TEC: variants seen among roughly 807,000 people sequenced by gnomAD.
TEC encodes the protein tyrosine-protein kinase Tec.
TEC carries 72 observed loss-of-function variants against 93.0 expected under a neutral mutation model. That is an observed-to-expected ratio of 0.77 (90% CI 0.64 to 0.94). TEC has a LOEUF of 0.94. TEC is among the 40% of genes least tolerant of loss of function. The pLI is 0.00. For missense variants in TEC, 630 were observed against 757.9 expected (o/e 0.83, Z 1.98); for synonymous variants, 249 against 247.7 (o/e 1.01, Z -0.05).
intron 14 of TEC, 167 bp from the exon 15 acceptor site, chr4:48,141,586 T>G: frequency 1.8e-6 from 1 of 563,002 alleles, no homozygotes; most frequent in Non-Finnish European, 3.0e-6. Flanking sequence ...ATTTCCATTG[T>G]GTATTTGAAA....
At chr4:48,260,205 A>T (rs1171021240) in intron 1 of TEC, among the ~76,000 whole-genome samples, 5 of 152,236 alleles carry the variant, frequency 3.3e-5, no homozygotes, top group Non-Finnish European at 7.3e-5. Flanking sequence ...GAGACACTGT[A>T]ATTCTAAAAG....
chr4:48,156,565 CAT>C (rs1314077301), intron 9 of TEC, 113 bp downstream of exon 9: 2 of 855,184 alleles, frequency 2.3e-6, no homozygotes, highest in Admixed American at 5.8e-5. Flanking sequence ...AATAGTTTTG[CAT>C]AGACTTGCTC....
chr4:48,139,930 C>A (rs1445587464), intron 15 of TEC, among the ~76,000 whole-genome samples: 3 of 152,240 alleles, frequency 2.0e-5, no homozygotes, highest in African/African-American at 7.2e-5. Flanking sequence ...CTGGATCAAA[C>A]TGTCAGCCAG....
rs1355422813 is a variant in TEC at position 48,258,013 on chromosome 4, T to C, written c.-46+11739A>G. ...GCCAACAGCTAACACTAGAAATTTT[T>C]GTTCCAAGTCATATAGTGAATGTTT... On this transcript the variant is annotated intron_variant, in intron 1 of 17. Coordinates refer to ENST00000381501, the MANE Select transcript of TEC (RefSeq NM_003215.3). Among the ~76,000 whole-genome samples, 3 of 152,262 alleles carry C rather than the reference T, an allele frequency of 2.0e-5. No homozygotes were observed. The East Asian group carries it at 5.8e-4, about 29-fold the overall frequency.
chr4:48,139,233 C>T (rs1245297572), intron 15 of TEC, among the ~76,000 whole-genome samples: 1 of 152,244 alleles, frequency 6.6e-6, no homozygotes, highest in Non-Finnish European at 1.5e-5. Flanking sequence ...GGATCCATCA[C>T]CACGTTACCA....
Position 48,186,914 on chromosome 4 carries a change from C to T in TEC, c.139-10728G>A, listed in dbSNP as rs531930880. Among the ~76,000 whole-genome samples the T allele has an allele frequency of 6.6e-5, 10 of 152,358 alleles. 1 individual carries two copies. In the South Asian group the frequency reaches 2.1e-3, roughly 32 times the overall value. ...GTGAGGAGCCCCTCTGCGTGGCCGC[C>T]ACCCCATCTGGGAGGTGTACCCAAC... On this transcript the variant is annotated intron_variant, in intron 2 of 17. Transcript: ENST00000381501.
At chr4:48,146,197 A>C in intron 12 of TEC, 128 bp downstream of exon 12, 1 of 768,738 alleles carries the variant, frequency 1.3e-6, no homozygotes, top group Non-Finnish European at 2.1e-6. Flanking sequence ...ATAATTATCT[A>C]AAAACCTATA....
intron 1 of TEC, among the ~76,000 whole-genome samples, chr4:48,266,438 A>G (rs1560430409): frequency 6.6e-6 from 1 of 152,220 alleles, no homozygotes; most frequent in Non-Finnish European, 1.5e-5. Context: ...AATTGACAAA[A>G]TACCTGGTCA....
chr4:48,162,202 T>C (rs1303403425), intron 8 of TEC, among the ~76,000 whole-genome samples: 1 of 152,158 alleles, frequency 6.6e-6, no homozygotes, highest in Non-Finnish European at 1.5e-5. Flanking sequence ...CCCTTGGTCA[T>C]CTACTGGGCA....
intron 1 of TEC, among the ~76,000 whole-genome samples, chr4:48,233,340 CTTT>C (rs34862159): frequency 1.4e-5 from 2 of 138,350 alleles, no homozygotes; most frequent in Non-Finnish European, 3.1e-5. Context: ...CCAATTGACA[CTTT>C]TTTTTTTTTT....
At chr4:48,214,581 G>A (rs928350355) in intron 2 of TEC, among the ~76,000 whole-genome samples, 2 of 152,164 alleles carry the variant, frequency 1.3e-5, no homozygotes, top group Non-Finnish European at 1.5e-5. Flanking sequence ...ACTGGGTGTG[G>A]TGGCTGACAC....
intron 1 of TEC, among the ~76,000 whole-genome samples, chr4:48,259,368 A>G (rs1253676714): frequency 1.3e-5 from 2 of 152,156 alleles, no homozygotes; most frequent in Admixed American, 6.5e-5. Flanking sequence ...ACCTAAAATA[A>G]AAGAAAAAAG....
chr4:48,172,428 G>C (rs1426981672), intron 3 of TEC, among the ~76,000 whole-genome samples: 1 of 144,398 alleles, frequency 6.9e-6, no homozygotes, highest in Non-Finnish European at 1.5e-5. Context: ...TAAATCAAAG[G>C]AATGTACTTT....
intron 2 of TEC, among the ~76,000 whole-genome samples, chr4:48,214,737 TC>T (rs57880027): frequency 0.47 from 70,596 of 151,774 alleles, 17,036 homozygotes; most frequent in Admixed American, 0.57. Flanking sequence ...GCCTGTGGTC[TC>T]AGCTTCTAGG....
chr4:48,217,428 A>G (rs1229500390), intron 2 of TEC, among the ~76,000 whole-genome samples: 1 of 152,178 alleles, frequency 6.6e-6, no homozygotes, highest in African/African-American at 2.4e-5. Context: ...TACTCATCCT[A>G]GTGAACCATG....
At chr4:48,149,311 T>C (rs1162570411) in intron 11 of TEC, among the ~76,000 whole-genome samples, 1 of 152,222 alleles carries the variant, frequency 6.6e-6, no homozygotes, top group African/African-American at 2.4e-5. Context: ...AAATGTAATG[T>C]GAACATTTAC....
chr4:48,224,698 G>T (rs1281430364), intron 2 of TEC, among the ~76,000 whole-genome samples: 1 of 152,228 alleles, frequency 6.6e-6, no homozygotes, highest in Non-Finnish European at 1.5e-5. Flanking sequence ...AAACTGAAAT[G>T]CAAGTTTTGC....
chr4:48,155,174 A>G (rs1720343129), intron 9 of TEC, among the ~76,000 whole-genome samples: 2 of 152,234 alleles, frequency 1.3e-5, no homozygotes, highest in Admixed American at 1.3e-4. Context: ...CTTTATGTAA[A>G]GTAGCTGTGT....
intron 2 of TEC, among the ~76,000 whole-genome samples, chr4:48,197,727 T>G (rs1381570667): frequency 6.6e-6 from 1 of 152,246 alleles, no homozygotes; most frequent in Non-Finnish European, 1.5e-5. Context: ...TATACTTTCA[T>G]GTTGCCTCAG....
Sources: allele counts gnomAD v4.1 joint callset (sites outside exome capture counted in the v4.1 genomes callset), GRCh38; gene constraint gnomAD v4.1.1; transcripts MANE v1.5; gene names NCBI Gene and HGNC (gene_info 2026-07-23, HGNC 2026-07-21).